Variants in CRYBG3 observed in about 807,000 individuals in gnomAD.
CRYBG3 encodes the protein very large A-kinase anchor protein.
Under a neutral mutation model 244.2 loss-of-function variants are expected in CRYBG3, and 127 were observed. The ratio of observed to expected loss-of-function variants is 0.52; its 90% CI spans 0.45 to 0.60. The LOEUF (loss-of-function observed/expected upper bound fraction) is 0.60, where lower values mean the gene tolerates loss of function less well. Among genes scored for constraint, CRYBG3 ranks in the 20% least tolerant of loss-of-function variants. CRYBG3 has a pLI of 0.00. For synonymous variants in CRYBG3, 1,132 were observed against 1,195.8 expected, an observed-to-expected ratio of 0.95 and a Z score of 1.10; for missense variants, 3,325 against 3,442.5, an observed-to-expected ratio of 0.97 and a Z score of 0.85.
chr3:97,838,524 A>C (rs937899360), intron 1 of CRYBG3, among the ~76,000 whole-genome samples: 1 of 152,090 alleles, frequency 6.6e-6, no homozygotes, highest in Non-Finnish European at 1.5e-5. Context: ...GGGCCCAGAA[A>C]TCTGTTTGAG....
chr3:97,825,833 G>A (rs1054219433), intron 1 of CRYBG3, among the ~76,000 whole-genome samples: 1 of 152,186 alleles, frequency 6.6e-6, no homozygotes, highest in Non-Finnish European at 1.5e-5. Context: ...AATGTCAGTA[G>A]TACTTCTGAT....
intron 1 of CRYBG3, among the ~76,000 whole-genome samples, chr3:97,837,889 CA>C (rs1261399424): frequency 1.3e-5 from 2 of 152,034 alleles, no homozygotes; most frequent in Non-Finnish European, 2.9e-5. Context: ...GATGCAGTCA[CA>C]GTTATGTATG....
intron 2 of CRYBG3, among the ~76,000 whole-genome samples, chr3:97,853,339 T>A (rs2039015604): frequency 6.6e-6 from 1 of 152,044 alleles, no homozygotes; most frequent in African/African-American, 2.4e-5. Flanking sequence ...TGCCATTATT[T>A]CATTCCTTTT....
intron 21 of CRYBG3, 55 bp downstream of exon 21, chr3:97,942,498 A>T: frequency 4.1e-6 from 6 of 1,465,820 alleles, no homozygotes; most frequent in Non-Finnish European, 5.5e-6. Flanking sequence ...TTCAGTTCCA[A>T]ATCTCCTCAT....
chr3:97,834,902 A>C (rs1437589497), intron 1 of CRYBG3, among the ~76,000 whole-genome samples: 1 of 152,148 alleles, frequency 6.6e-6, no homozygotes, highest in Non-Finnish European at 1.5e-5. Flanking sequence ...CTTTTACAAA[A>C]CAGGTATAAA....
chr3:97,933,217 T>A (rs777029561), intron 17 of CRYBG3: 97 of 412,480 alleles, frequency 2.4e-4, no homozygotes, highest in Non-Finnish European at 3.3e-4. Context: ...CAGCTTTTTT[T>A]AAATTAAAAA....
At chr3:97,861,286 C>T (rs373762910) in intron 2 of CRYBG3, among the ~76,000 whole-genome samples, 2 of 152,242 alleles carry the variant, frequency 1.3e-5, no homozygotes, top group Middle Eastern at 3.4e-3. Context: ...ATGTTATCTT[C>T]TATGCAAAGA....
chr3:97,842,574 TA>T (rs1367493087), intron 1 of CRYBG3, among the ~76,000 whole-genome samples: 1 of 151,974 alleles, frequency 6.6e-6, no homozygotes, highest in Non-Finnish European at 1.5e-5. Context: ...AAAAAAATCT[TA>T]AATGTGTCTT....
intron 19 of CRYBG3, 75 bp from the exon 20 acceptor site, chr3:97,941,073 C>A (rs933115502): frequency 2.5e-5 from 32 of 1,290,056 alleles, no homozygotes; most frequent in Non-Finnish European, 3.2e-5. Context: ...CTTTCCCTCC[C>A]AGCTTTCCTC....
chr3:97,832,727 A>G (rs533215102), intron 1 of CRYBG3, among the ~76,000 whole-genome samples: 73 of 152,374 alleles, frequency 4.8e-4, no homozygotes, highest in African/African-American at 1.7e-3. Flanking sequence ...ATGGGATCTA[A>G]TTAAACTAAA....
rs1035470388 is a variant in CRYBG3 at position 97,872,129 on chromosome 3, A to G, written c.935A>G (p.Asn312Ser). 2 of 1,536,072 alleles carry G rather than the reference A, an allele frequency of 1.3e-6. No homozygotes were observed. Among genetic ancestry groups the G allele is most frequent in the Non-Finnish European group, 1.7e-6 (2 of 1,146,830 alleles). The change falls in exon 4 of 22, where the codon AAC becomes AGC. Residue 312 changes from asparagine to serine, a missense_variant. Transcript: ENST00000389622. ...EDSDCSKTSF[N>S]KENSLTNNPE... Reference sequence around the variant, plus strand: ...TCTGATTGTAGCAAAACAAGTTTCAACAAGGAAAATTCTTTGACAAATAAC... The same window carrying G: ...TCTGATTGTAGCAAAACAAGTTTCAGCAAGGAAAATTCTTTGACAAATAAC...
chr3:97,900,555 C>T, intron 15 of CRYBG3, 70 bp downstream of exon 15: 3 of 986,826 alleles, frequency 3.0e-6, no homozygotes. Context: ...TCTCTCAAAT[C>T]TTTCTCTTTT....
At chr3:97,867,604 A>C (rs1454281634) in intron 3 of CRYBG3, among the ~76,000 whole-genome samples, 1 of 152,224 alleles carries the variant, frequency 6.6e-6, no homozygotes, top group Non-Finnish European at 1.5e-5. Flanking sequence ...TCAGATTTTC[A>C]ATATGTATGC....
intron 2 of CRYBG3, among the ~76,000 whole-genome samples, chr3:97,862,277 G>C (rs1395583349): frequency 6.6e-6 from 1 of 152,072 alleles, no homozygotes; most frequent in Non-Finnish European, 1.5e-5. Flanking sequence ...TTTTAATGAT[G>C]TTAAAAGTGG....
rs373786917 is a variant in CRYBG3, at chr3:97,921,802, C to T, written c.8241+6066C>T. ...CAGACTATTGCATAAAACATTTAAG[C>T]GCTGGACCAGGAGTGTGTAGGGTAA... On this transcript the variant is annotated intron_variant, in intron 17 of 21. Transcript: ENST00000389622. 3.1e-4 allele frequency among the ~76,000 whole-genome samples: 47 copies of T among 152,198 alleles called. No homozygotes were observed. In the South Asian group the frequency reaches 9.1e-3, roughly 30 times the overall value.
chr3:97,904,762 A>C (rs1306757253), intron 15 of CRYBG3, among the ~76,000 whole-genome samples: 1 of 143,858 alleles, frequency 7.0e-6, no homozygotes, highest in Non-Finnish European at 1.5e-5. Context: ...TTATACTTTA[A>C]GTTTTAGGGT....
At chr3:97,870,784 A>T (rs563298965) in intron 3 of CRYBG3, among the ~76,000 whole-genome samples, 9 of 152,306 alleles carry the variant, frequency 5.9e-5, no homozygotes, top group African/African-American at 2.2e-4. Flanking sequence ...CAACTTGCCA[A>T]ATCTTGTGTG....
chr3:97,884,223 G>C (rs1365794380), intron 7 of CRYBG3, among the ~76,000 whole-genome samples: 1 of 152,152 alleles, frequency 6.6e-6, no homozygotes, highest in Non-Finnish European at 1.5e-5. Context: ...CCAGTTAAGG[G>C]TTGTCTTTGT....
intron 2 of CRYBG3, among the ~76,000 whole-genome samples, chr3:97,847,634 A>G (rs1196104863): frequency 2.0e-5 from 3 of 152,242 alleles, no homozygotes; most frequent in Non-Finnish European, 4.4e-5. Flanking sequence ...TAAGATTATT[A>G]TATCTGGACC....
Sources: gnomAD v4.1 joint callset for allele counts (sites outside exome capture counted in the v4.1 genomes callset) on GRCh38, gnomAD v4.1.1 for gene constraint, MANE v1.5 for transcripts, NCBI Gene and HGNC (gene_info 2026-07-23, HGNC 2026-07-21) for gene names.